Variants in OSBPL10 observed in about 807,000 individuals in gnomAD.
OSBPL10 encodes the protein oxysterol binding protein like 10, also known as oxysterol-binding protein-related protein 10.
OSBPL10 carries 49 observed loss-of-function variants against 81.7 expected under a neutral mutation model. The observed-to-expected ratio is 0.60, with a 90% CI of 0.48 to 0.76. The LOEUF is 0.76. Among genes scored for constraint, OSBPL10 ranks in the 30% least tolerant of loss-of-function variants. The pLI, the probability that OSBPL10 is intolerant of heterozygous loss-of-function variation, is 0.00. For missense variants in OSBPL10, 923 were observed against 987.8 expected, an observed-to-expected ratio of 0.93 and a Z score of 0.88; for synonymous variants, 419 against 383.6, an observed-to-expected ratio of 1.09 and a Z score of -1.08.
At chr3:32,026,530 T>G (rs1341617678) in intron 2 of OSBPL10, among the ~76,000 whole-genome samples, 1 of 152,184 alleles carries the variant, frequency 6.6e-6, no homozygotes, top group Non-Finnish European at 1.5e-5. Context: ...AAAGGAACCC[T>G]TAAAGGAACT....
intron 4 of OSBPL10, among the ~76,000 whole-genome samples, chr3:31,774,175 A>AG (rs1698475372): frequency 6.8e-6 from 1 of 146,764 alleles, no homozygotes. Context: ...AAAAAAAAAA[A>AG]AAAAGAAAGA....
At chr3:31,858,763 G>A (rs966114062) in intron 3 of OSBPL10, among the ~76,000 whole-genome samples, 9 of 152,202 alleles carry the variant, frequency 5.9e-5, no homozygotes, top group African/African-American at 2.2e-4. Context: ...CAGCCTGGCT[G>A]AGTCTGGATT....
chr3:31,747,487 T>TAAAAAA (rs61150758), intron 5 of OSBPL10, among the ~76,000 whole-genome samples: 157 of 97,100 alleles, frequency 1.6e-3, no homozygotes, highest in Non-Finnish European at 2.1e-3. Context: ...AATCTTCAAA[T>TAAAAAA]AAAAAAAAAA....
chr3:31,903,334 T>TTG (rs1418972462), intron 1 of OSBPL10, among the ~76,000 whole-genome samples: 1 of 150,516 alleles, frequency 6.6e-6, no homozygotes, highest in Non-Finnish European at 1.5e-5. Flanking sequence ...TTTTAGGTTT[T>TTG]TTTTTTTTTT....
intron 1 of OSBPL10, among the ~76,000 whole-genome samples, chr3:32,061,222 T>G (rs1699752675): frequency 1.1e-5 from 1 of 91,378 alleles, no homozygotes; most frequent in African/African-American, 2.8e-5. Flanking sequence ...CCCTCTCACC[T>G]TATTGTAACT....
chr3:31,913,619 T>G (rs1696657231), intron 1 of OSBPL10, among the ~76,000 whole-genome samples: 2 of 152,222 alleles, frequency 1.3e-5, no homozygotes, highest in African/African-American at 4.8e-5. Context: ...GTGCATGTAT[T>G]AATTCAGGCT....
chr3:31,811,399 C>T (rs546980540), intron 4 of OSBPL10, among the ~76,000 whole-genome samples: 81 of 152,322 alleles, frequency 5.3e-4, no homozygotes, highest in Non-Finnish European at 6.9e-4. Flanking sequence ...CCATGTGCGG[C>T]GCAGGGAGGA....
At position 31,846,070 on chromosome 3, in the gene OSBPL10, C is replaced by T. The variant is rs191420440; in HGVS notation, c.538-15839G>A. Among the ~76,000 whole-genome samples the T allele has an allele frequency of 3.9e-5, 6 of 152,274 alleles. No homozygotes were observed. In the East Asian group the frequency reaches 1.2e-3, roughly 29 times the overall value. On this transcript the variant is annotated intron_variant, in intron 3 of 11. Coordinates refer to ENST00000396556, the MANE Select transcript of OSBPL10 (RefSeq NM_017784.5). ...CTCTGTCACCCAGGATGAAGTGCAG[C>T]GGCACCATCTCTGCTCACTGCAACC...
At position 31,825,998 on chromosome 3, in the gene OSBPL10, A is replaced by T. The variant is rs1219117067; in HGVS notation, c.729+4042T>A. On this transcript the variant is annotated intron_variant, in intron 4 of 11. Coordinates refer to ENST00000396556, the MANE Select transcript of OSBPL10 (RefSeq NM_017784.5). ...TTAAATTACTATATAGTGATTTAGAATCTAAAATGTATTATTGTTTAGTCA... is the reference window on the plus strand; with the variant it reads ...TTAAATTACTATATAGTGATTTAGATTCTAAAATGTATTATTGTTTAGTCA... Among the ~76,000 whole-genome samples the T allele has an allele frequency of 2.6e-5, 4 of 152,218 alleles. No individual in the cohort carries two copies. The East Asian group carries it at 7.7e-4, about 29-fold the overall frequency.
At chr3:31,813,402 C>A (rs1699757492) in intron 4 of OSBPL10, among the ~76,000 whole-genome samples, 1 of 152,186 alleles carries the variant, frequency 6.6e-6, no homozygotes, top group African/African-American at 2.4e-5. Flanking sequence ...AAGCCTACAC[C>A]AGTTACTCAC....
At chr3:32,003,023 C>A (rs1371232029) in intron 2 of OSBPL10, among the ~76,000 whole-genome samples, 2 of 152,158 alleles carry the variant, frequency 1.3e-5, no homozygotes, top group African/African-American at 4.8e-5. Flanking sequence ...GACCTCCCAG[C>A]TGGGAAAAGC....
intron 7 of OSBPL10, among the ~76,000 whole-genome samples, chr3:31,695,778 C>T (rs1695700757): frequency 6.6e-6 from 1 of 152,186 alleles, no homozygotes; most frequent in Non-Finnish European, 1.5e-5. Context: ...TCTTCTCCTC[C>T]CTTCTCAAAC....
chr3:31,691,694 G>A (rs1695556895), intron 7 of OSBPL10, among the ~76,000 whole-genome samples: 2 of 152,082 alleles, frequency 1.3e-5, no homozygotes, highest in Admixed American at 6.6e-5. Context: ...TTGCACCACT[G>A]TATGCCAGCC....
intron 1 of OSBPL10, among the ~76,000 whole-genome samples, chr3:31,891,132 T>C (rs1174643195): frequency 6.6e-6 from 1 of 152,146 alleles, no homozygotes; most frequent in East Asian, 1.9e-4. Flanking sequence ...GAATTCAAAG[T>C]GTCCTTTACT....
chr3:31,974,579 T>C (rs1698643750), intron 1 of OSBPL10, among the ~76,000 whole-genome samples: 1 of 152,166 alleles, frequency 6.6e-6, no homozygotes, highest in African/African-American at 2.4e-5. Context: ...ACCACAACTA[T>C]ACACAGAAAC....
At chr3:31,969,787 G>A (rs1266113518) in intron 1 of OSBPL10, among the ~76,000 whole-genome samples, 1 of 151,960 alleles carries the variant, frequency 6.6e-6, no homozygotes, top group South Asian at 2.1e-4. Flanking sequence ...CCTGGGAGGC[G>A]GAGGTTGCAT....
At chr3:31,768,015 T>G (rs1698254168) in intron 4 of OSBPL10, among the ~76,000 whole-genome samples, 1 of 152,198 alleles carries the variant, frequency 6.6e-6, no homozygotes, top group South Asian at 2.1e-4. Flanking sequence ...GCTATTTTTA[T>G]GGTTATTTCT....
chr3:31,797,431 G>C (rs1444935483), intron 4 of OSBPL10, among the ~76,000 whole-genome samples: 1 of 152,184 alleles, frequency 6.6e-6, no homozygotes, highest in Non-Finnish European at 1.5e-5. Flanking sequence ...GCTCTGTGAT[G>C]TTTTACAGTC....
intron 4 of OSBPL10, among the ~76,000 whole-genome samples, chr3:31,797,435 TAC>T (rs1353271642): frequency 6.6e-6 from 1 of 152,246 alleles, no homozygotes; most frequent in Non-Finnish European, 1.5e-5. Context: ...TGTGATGTTT[TAC>T]AGTCACTGAT....
Sources: gnomAD v4.1 joint callset for allele counts (sites outside exome capture counted in the v4.1 genomes callset) on GRCh38, gnomAD v4.1.1 for gene constraint, MANE v1.5 for transcripts, NCBI Gene and HGNC (gene_info 2026-07-23, HGNC 2026-07-21) for gene names.